ZNF365: variants seen among roughly 807,000 people sequenced by gnomAD.
The protein encoded by ZNF365 is zinc finger protein 365.
ZNF365 carries 22 observed loss-of-function variants against 35.0 expected under a neutral mutation model. The ratio of observed to expected loss-of-function variants is 0.63; its 90% CI spans 0.45 to 0.90. The LOEUF (loss-of-function observed/expected upper bound fraction) is 0.90, where lower values mean the gene tolerates loss of function less well. Among genes scored for constraint, ZNF365 ranks in the 40% least tolerant of loss-of-function variants. The pLI is 0.00. For missense variants in ZNF365, 448 were observed against 500.3 expected (o/e 0.90, Z 1.00); for synonymous variants, 188 against 196.2 (o/e 0.96, Z 0.35).
chr10:62,403,589 C>T (rs1278489967), downstream of ZNF365, among the ~76,000 whole-genome samples: 2 of 152,196 alleles, frequency 1.3e-5, no homozygotes, highest in African/African-American at 2.4e-5. Context: ...ACCCGGGAAG[C>T]GGAGCTTGCA....
chr10:62,460,649 C>G (rs1840832729), intron 4 of ZNF365, among the ~76,000 whole-genome samples: 1 of 152,124 alleles, frequency 6.6e-6, no homozygotes. Context: ...ACAGATTGCT[C>G]TAAGCCCTAA....
At chr10:62,459,484 A>C (rs544015047) in intron 3 of ZNF365, among the ~76,000 whole-genome samples, 29 of 152,332 alleles carry the variant, frequency 1.9e-4, no homozygotes, top group African/African-American at 7.0e-4. Flanking sequence ...TACCAATTAA[A>C]ATATTTAGGG....
At chr10:62,473,848 TTGG>T (rs1841084706) in intron 4 of ZNF365, among the ~76,000 whole-genome samples, 1 of 151,862 alleles carries the variant, frequency 6.6e-6, no homozygotes, top group African/African-American at 2.4e-5. Context: ...ACTCCAGAGG[TTGG>T]TATCAGGGTC....
chr10:62,379,117 G>T lies in ZNF365; in HGVS notation c.743+2181G>T, dbSNP rs1277894516. 2.6e-5 allele frequency among the ~76,000 whole-genome samples: 4 copies of T among 151,280 alleles called. 1 individual carries two copies. Among genetic ancestry groups the T allele is most frequent in the African/African-American group, 9.7e-5 (4 of 41,100 alleles). Reference sequence around the variant, plus strand: ...AGCTCACTGCAACCTCTGCCTCCTGGGTTCAAGCAATTCTCCTGCCTCAGC... The same window carrying T: ...AGCTCACTGCAACCTCTGCCTCCTGTGTTCAAGCAATTCTCCTGCCTCAGC... On this transcript the variant is annotated intron_variant, in intron 2 of 4. Transcript: ENST00000395254.
chr10:62,400,100 C>A lies in ZNF365; in HGVS notation c.*311C>A, dbSNP rs1010206033. ...TAATCTTGGCATCTGGGCTTCTATG[C>A]AGTGGTCACTAATTTTCAGGACCAA... is the stretch of plus-strand genomic sequence containing the variant. On this transcript the variant is annotated 3_prime_UTR_variant, in exon 5 of 5. Transcript: ENST00000395254. The A allele has an allele frequency of 9.2e-7, 1 of 1,090,778 alleles. No individual in the cohort carries two copies. Among genetic ancestry groups the A allele is most frequent in the Admixed American group, 4.6e-5 (1 of 21,746 alleles). 67.6% of individuals were successfully genotyped at this position (1,090,778 alleles called of 1,614,324 possible).
At chr10:62,445,616 A>G (rs1032482388) in intron 3 of ZNF365, among the ~76,000 whole-genome samples, 1 of 152,168 alleles carries the variant, frequency 6.6e-6, no homozygotes, top group African/African-American at 2.4e-5. Context: ...TACAGTTTCT[A>G]TTTTTAAAAA....
chr10:62,439,470 C>G (rs1840460563), intron 3 of ZNF365, among the ~76,000 whole-genome samples: 1 of 151,672 alleles, frequency 6.6e-6, no homozygotes, highest in Non-Finnish European at 1.5e-5. Context: ...GGATGTGTAG[C>G]TCGGTTTAGC....
intron 3 of ZNF365, among the ~76,000 whole-genome samples, chr10:62,456,484 T>C (rs1840763104): frequency 6.6e-6 from 1 of 152,236 alleles, no homozygotes; most frequent in South Asian, 2.1e-4. Context: ...TGGTTACCTG[T>C]ATACTTTGGT....
intron 3 of ZNF365, among the ~76,000 whole-genome samples, chr10:62,408,683 G>T (rs1839940674): frequency 6.6e-6 from 1 of 152,074 alleles, no homozygotes; most frequent in South Asian, 2.1e-4. Flanking sequence ...CATCTGTTGG[G>T]GGATATATGG....
intron 3 of ZNF365, among the ~76,000 whole-genome samples, chr10:62,415,980 G>A (rs1035763348): frequency 5.9e-5 from 9 of 152,040 alleles, no homozygotes; most frequent in African/African-American, 1.9e-4. Context: ...ATTTTATTCC[G>A]TGTTTATAGT....
chr10:62,469,611 A>G lies in ZNF365; in HGVS notation c.981+9814A>G, dbSNP rs889179385. ...TGTGAACTTTTTGAAGTCTCATTATACACGTATGTGTGTGTGTGTTAAAAT... is the reference window on the plus strand; with the variant it reads ...TGTGAACTTTTTGAAGTCTCATTATGCACGTATGTGTGTGTGTGTTAAAAT... On this transcript the variant is annotated intron_variant, in intron 4 of 4. Transcript: ENST00000395255. 2.0e-5 allele frequency among the ~76,000 whole-genome samples: 3 copies of G among 152,130 alleles called. No individual in the cohort carries two copies. The South Asian group carries it at 6.2e-4, about 32-fold the overall frequency.
At chr10:62,382,239 G>A (rs753708050) in intron 2 of ZNF365, among the ~76,000 whole-genome samples, 2 of 152,272 alleles carry the variant, frequency 1.3e-5, no homozygotes, top group Non-Finnish European at 2.9e-5. Flanking sequence ...CTAAAGCAGC[G>A]ACTAAGCAAT....
At chr10:62,480,284 AATTT>A (rs1020599952) in exon 5 of ZNF365, 22 of 992,108 alleles carry the variant, frequency 2.2e-5, no homozygotes, top group Non-Finnish European at 2.6e-5. Context: ...GTTATTGAGT[AATTT>A]ATTTATTAAG....
chr10:62,402,469 C>G (rs576393755), downstream of ZNF365: 3 of 985,010 alleles, frequency 3.0e-6, no homozygotes, highest in East Asian at 2.2e-4. Flanking sequence ...TATGTTTTGT[C>G]TAGTTGGAGT....
In ZNF365 at chr10:62,390,161, A is replaced by G. The variant is rs1461075410; in HGVS notation, c.924+1585A>G. Among the ~76,000 whole-genome samples the G allele has an allele frequency of 4.6e-5, 7 of 152,136 alleles. No homozygotes were observed. In the East Asian group the frequency reaches 1.3e-3, roughly 29 times the overall value. The stretch of plus-strand genomic sequence containing the variant: ...CTTACTCTGCTTCTGACTGGGCAAG[A>G]TAGTTAGTCTTCCTGGGCCTATATT... On this transcript the variant is annotated intron_variant, in intron 3 of 4. Transcript: ENST00000395254.
At chr10:62,428,704 A>G (rs554319964) in intron 3 of ZNF365, among the ~76,000 whole-genome samples, 2 of 152,304 alleles carry the variant, frequency 1.3e-5, no homozygotes, top group South Asian at 4.1e-4. Flanking sequence ...GGGGGCATCT[A>G]GGGTTGGTGG....
At chr10:62,463,329 C>G (rs1472579291) in intron 4 of ZNF365, among the ~76,000 whole-genome samples, 1 of 152,188 alleles carries the variant, frequency 6.6e-6, no homozygotes, top group East Asian at 1.9e-4. Flanking sequence ...ACAACTTAAG[C>G]CGTCCCCTGG....
intron 3 of ZNF365, among the ~76,000 whole-genome samples, chr10:62,438,329 C>T (rs1334395351): frequency 1.3e-5 from 2 of 151,888 alleles, no homozygotes; most frequent in Non-Finnish European, 2.9e-5. Flanking sequence ...GCTGGGATTA[C>T]AGGCGCAGCA....
In ZNF365 at chr10:62,445,018, A is replaced by T. The variant is rs537741784; in HGVS notation, c.925-14723A>T. ...TCAATTCCCACCTATGAGTGAGAAC[A>T]CGAGGTGTTTGGTTTTTTGTCCTTG... is the stretch of plus-strand genomic sequence containing the variant. On this transcript the variant is annotated intron_variant, in intron 3 of 4. Transcript: ENST00000395255. Among the ~76,000 whole-genome samples the T allele has an allele frequency of 2.6e-5, 4 of 151,832 alleles. No individual in the cohort carries two copies. In the South Asian group the frequency reaches 8.3e-4, roughly 32 times the overall value.
Sources: allele counts gnomAD v4.1 joint callset (sites outside exome capture counted in the v4.1 genomes callset), GRCh38; gene constraint gnomAD v4.1.1; transcripts MANE v1.5; gene names NCBI Gene and HGNC (gene_info 2026-07-23, HGNC 2026-07-21).